The following FNBP1 variants were observed in gnomAD, a reference collection of about 807,000 sequenced individuals.
FNBP1 encodes formin-binding protein 1.
A neutral mutation model predicts 90.6 loss-of-function variants in FNBP1; 26 were observed. That is an observed-to-expected ratio of 0.29 (90% CI 0.21 to 0.40). The LOEUF (loss-of-function observed/expected upper bound fraction) is 0.40. Among genes scored for constraint, FNBP1 ranks in the 10% least tolerant of loss-of-function variants. The pLI is 1.00. For missense variants in FNBP1, 635 were observed against 768.0 expected (o/e 0.83, Z 2.05); for synonymous variants, 260 against 265.2 (o/e 0.98, Z 0.19).
At chr9:130,027,493 G>A (rs1479286984) in intron 1 of FNBP1, among the ~76,000 whole-genome samples, 4 of 152,180 alleles carry the variant, frequency 2.6e-5, no homozygotes. Context: ...TGAAGAAGGG[G>A]TAGTGTTAAT....
chr9:129,924,094 G>T, intron 9 of FNBP1, 68 bp from the exon 10 acceptor site: 2 of 1,439,724 alleles, frequency 1.4e-6, no homozygotes, highest in Non-Finnish European at 1.8e-6. Context: ...ACAAAAATAA[G>T]CATCAAATAA....
At chr9:130,034,031 AGTT>A (rs1188116105) in intron 1 of FNBP1, among the ~76,000 whole-genome samples, 4 of 141,372 alleles carry the variant, frequency 2.8e-5, no homozygotes, top group African/African-American at 1.1e-4. Context: ...AAAAAAAAAA[AGTT>A]AGACAGGCCA....
chr9:129,907,693 T>C (rs2038400023), intron 12 of FNBP1, among the ~76,000 whole-genome samples: 1 of 152,082 alleles, frequency 6.6e-6, no homozygotes, highest in Admixed American at 6.6e-5. Flanking sequence ...GCCCTCCTCC[T>C]CTATGGCATC....
intron 6 of FNBP1, among the ~76,000 whole-genome samples, chr9:129,947,684 G>A (rs577652224): frequency 3.3e-5 from 5 of 150,716 alleles, no homozygotes; most frequent in South Asian, 2.1e-4. Flanking sequence ...GTAAAATGGC[G>A]TGATCTCGGC....
intron 1 of FNBP1, among the ~76,000 whole-genome samples, chr9:130,030,860 A>G (rs376200637): frequency 6.6e-6 from 1 of 152,292 alleles, no homozygotes; most frequent in Non-Finnish European, 1.5e-5. Context: ...TGCTAGCTTA[A>G]AAGAGCTGGG....
chr9:129,935,654 A>AT (rs757287254), intron 6 of FNBP1, among the ~76,000 whole-genome samples: 12 of 151,776 alleles, frequency 7.9e-5, no homozygotes, highest in Non-Finnish European at 1.5e-4. Flanking sequence ...TGCCCAGCTA[A>AT]TTTTTTGTAT....
chr9:130,024,307 T>G (rs1179115843), intron 1 of FNBP1, among the ~76,000 whole-genome samples: 3 of 152,014 alleles, frequency 2.0e-5, no homozygotes, highest in African/African-American at 7.2e-5. Context: ...AAAAATTAGC[T>G]GGGCGTGGTA....
chr9:129,995,091 CTT>C (rs1031769666), intron 1 of FNBP1, 133 bp from the exon 2 acceptor site: 8 of 607,522 alleles, frequency 1.3e-5, no homozygotes, highest in African/African-American at 7.7e-5. Flanking sequence ...ACTTGGGGTG[CTT>C]TTTTGTTGAG....
chr9:130,011,360 G>C (rs2056585845), intron 1 of FNBP1, among the ~76,000 whole-genome samples: 1 of 146,870 alleles, frequency 6.8e-6, no homozygotes, highest in Non-Finnish European at 1.5e-5. Context: ...ACATAATAGA[G>C]CAAAGTATAA....
intron 10 of FNBP1, among the ~76,000 whole-genome samples, chr9:129,923,306 C>T (rs374562448): frequency 2.5e-3 from 377 of 152,064 alleles, no homozygotes; most frequent in African/African-American, 8.8e-3. Context: ...AAAGGCCGGG[C>T]GCAGTGGCTC....
intron 16 of FNBP1, 75 bp downstream of exon 16, chr9:129,895,763 C>A: frequency 6.9e-7 from 1 of 1,447,350 alleles, no homozygotes; most frequent in South Asian, 1.5e-5. Flanking sequence ...CTGTAACAGT[C>A]ATGGTTGTGG....
chr9:130,003,278 GA>G (rs2055138377), intron 1 of FNBP1, among the ~76,000 whole-genome samples: 1 of 152,048 alleles, frequency 6.6e-6, no homozygotes, highest in African/African-American at 2.4e-5. Context: ...CCAACATAGT[GA>G]AACCCTGTCT....
At chr9:129,937,371 A>G (rs1248551194) in intron 6 of FNBP1, among the ~76,000 whole-genome samples, 1 of 152,244 alleles carries the variant, frequency 6.6e-6, no homozygotes, top group Non-Finnish European at 1.5e-5. Context: ...TGAGCTATGT[A>G]TATCCTGTTT....
At chr9:129,935,782 C>T (rs1015772695) in intron 6 of FNBP1, among the ~76,000 whole-genome samples, 1 of 152,068 alleles carries the variant, frequency 6.6e-6, no homozygotes, top group African/African-American at 2.4e-5. Flanking sequence ...CCACCGCGCC[C>T]AGCCCTCTTG....
At chr9:130,053,773 AG>A in the FNBP1 span, 1 of 667,072 alleles carries the variant, frequency 1.5e-6, no homozygotes, top group Middle Eastern at 4.1e-4. Flanking sequence ...TGGGCAGCAC[AG>A]GCTCCTCGAC....
chr9:130,005,144 G>A (rs555822530), intron 1 of FNBP1, among the ~76,000 whole-genome samples: 1 of 150,410 alleles, frequency 6.6e-6, no homozygotes, highest in Non-Finnish European at 1.5e-5. Context: ...GCTGAGGCAG[G>A]AGAATCACTT....
chr9:129,892,567 C>G (rs1363543633), intron 16 of FNBP1, among the ~76,000 whole-genome samples: 1 of 152,124 alleles, frequency 6.6e-6, no homozygotes, highest in African/African-American at 2.4e-5. Context: ...GCAGGAAAAG[C>G]TTCTCTGTAC....
At chr9:129,984,732 T>C (rs1564502914) in intron 2 of FNBP1, among the ~76,000 whole-genome samples, 1 of 150,488 alleles carries the variant, frequency 6.6e-6, no homozygotes, top group Non-Finnish European at 1.5e-5. Flanking sequence ...AATTGAATCA[T>C]GGGGGGGGCC....
intron 4 of FNBP1, among the ~76,000 whole-genome samples, chr9:129,977,772 G>A (rs778076101): frequency 5.9e-5 from 9 of 151,964 alleles, no homozygotes; most frequent in Non-Finnish European, 8.8e-5. Flanking sequence ...GATTACAGGC[G>A]TGAGCCACCA....
Sources: gnomAD v4.1 joint callset for allele counts (sites outside exome capture counted in the v4.1 genomes callset) on GRCh38, gnomAD v4.1.1 for gene constraint, MANE v1.5 for transcripts, NCBI Gene and HGNC (gene_info 2026-07-23, HGNC 2026-07-21) for gene names.